The following GABRB2 variants were observed in gnomAD, a reference collection of about 807,000 sequenced individuals.
GABRB2 encodes gamma-aminobutyric acid receptor subunit beta-2.
In GABRB2, 16 loss-of-function variants were observed where a neutral mutation model predicts 54.7. The observed-to-expected ratio is 0.29, with a 90% CI of 0.20 to 0.44. The LOEUF (loss-of-function observed/expected upper bound fraction) is 0.44. Among genes scored for constraint, GABRB2 ranks in the 20% least tolerant of loss-of-function variants. GABRB2 has a pLI of 1.00. For synonymous variants in GABRB2, 244 were observed against 233.8 expected (o/e 1.04, Z -0.40); for missense variants, 355 against 644.0 (o/e 0.55, Z 4.86).
intron 4 of GABRB2, among the ~76,000 whole-genome samples, chr5:161,435,229 T>A (rs977574655): frequency 6.6e-6 from 1 of 152,136 alleles, no homozygotes; most frequent in African/African-American, 2.4e-5. Context: ...AACATTAAAA[T>A]AGTAAAAAGT....
intron 5 of GABRB2, among the ~76,000 whole-genome samples, chr5:161,404,715 C>T (rs1479199476): frequency 6.6e-6 from 1 of 152,114 alleles, no homozygotes; most frequent in Non-Finnish European, 1.5e-5. Context: ...AACACATACG[C>T]TGTTCTACTT....
At chr5:161,327,340 AC>A (rs1397840547) in intron 8 of GABRB2, among the ~76,000 whole-genome samples, 2 of 152,196 alleles carry the variant, frequency 1.3e-5, no homozygotes. Flanking sequence ...ACATAAACTA[AC>A]ATGGAATTAG....
At chr5:161,299,958 T>C (rs1757489343) in intron 9 of GABRB2, among the ~76,000 whole-genome samples, 1 of 152,160 alleles carries the variant, frequency 6.6e-6, no homozygotes, top group South Asian at 2.1e-4. Flanking sequence ...CAGTGTTGGG[T>C]TTCAATATTT....
intron 3 of GABRB2, among the ~76,000 whole-genome samples, chr5:161,530,351 G>A (rs1373506313): frequency 6.6e-6 from 1 of 152,050 alleles, no homozygotes; most frequent in Non-Finnish European, 1.5e-5. Flanking sequence ...TGGACTACCT[G>A]GTGATAATTA....
intron 4 of GABRB2, among the ~76,000 whole-genome samples, chr5:161,456,334 A>C (rs1480241653): frequency 1.3e-5 from 2 of 152,248 alleles, no homozygotes; most frequent in Admixed American, 1.3e-4. Context: ...TGTGAACCAC[A>C]GGACCTAATA....
intron 9 of GABRB2, among the ~76,000 whole-genome samples, chr5:161,322,327 C>T (rs946680642): frequency 4.6e-5 from 7 of 152,116 alleles, no homozygotes; most frequent in African/African-American, 1.2e-4. Context: ...CCTCCACCTT[C>T]GAGGCTCAAA....
chr5:161,348,118 A>G (rs538420987), intron 5 of GABRB2, among the ~76,000 whole-genome samples: 64 of 152,220 alleles, frequency 4.2e-4, no homozygotes, highest in Admixed American at 2.8e-3. Context: ...CTAAAACAGC[A>G]ATTCTCAAAT....
chr5:161,344,110 A>G (rs1754249134), intron 5 of GABRB2, among the ~76,000 whole-genome samples: 1 of 152,088 alleles, frequency 6.6e-6, no homozygotes. Context: ...GGCAAGGAAA[A>G]TCTTGTATCT....
At chr5:161,353,434 T>C (rs1405399075) in intron 5 of GABRB2, among the ~76,000 whole-genome samples, 1 of 152,070 alleles carries the variant, frequency 6.6e-6, no homozygotes, top group Non-Finnish European at 1.5e-5. Flanking sequence ...CCACATTGGT[T>C]ATTGACAGAT....
intron 4 of GABRB2, among the ~76,000 whole-genome samples, chr5:161,458,503 A>G (rs945981744): frequency 1.3e-5 from 2 of 152,230 alleles, no homozygotes; most frequent in Non-Finnish European, 2.9e-5. Flanking sequence ...TAAGGATCTA[A>G]GATAAAGTAT....
chr5:161,395,250 T>A (rs1755958969), intron 5 of GABRB2, among the ~76,000 whole-genome samples: 2 of 152,056 alleles, frequency 1.3e-5, no homozygotes, highest in Non-Finnish European at 2.9e-5. Context: ...CAAAACACAA[T>A]AGTCCCATTT....
chr5:161,398,377 C>T (rs975627516), intron 5 of GABRB2, among the ~76,000 whole-genome samples: 2 of 152,166 alleles, frequency 1.3e-5, no homozygotes, highest in African/African-American at 4.8e-5. Flanking sequence ...AGTCAAAGCA[C>T]TTAGCTGCAA....
chr5:161,330,234 C>T (rs1753791943), intron 8 of GABRB2: 1 of 152,164 alleles, frequency 6.6e-6, no homozygotes, highest in Non-Finnish European at 1.5e-5. Context: ...ATGGTGGCCT[C>T]ATATAGTCAA....
chr5:161,471,785 C>T (rs954479479), intron 3 of GABRB2, among the ~76,000 whole-genome samples: 18 of 151,910 alleles, frequency 1.2e-4, no homozygotes, highest in African/African-American at 3.9e-4. Flanking sequence ...TAAAAGTGTA[C>T]TTTGTGTATA....
chr5:161,419,669 G>C (rs914712648), intron 4 of GABRB2, among the ~76,000 whole-genome samples: 2 of 152,176 alleles, frequency 1.3e-5, no homozygotes, highest in African/African-American at 4.8e-5. Flanking sequence ...AACACAGATG[G>C]GGCTGAAGGC....
intron 4 of GABRB2, among the ~76,000 whole-genome samples, chr5:161,419,025 G>A (rs1756768129): frequency 6.6e-6 from 1 of 152,158 alleles, no homozygotes. Flanking sequence ...TACTCGGAAG[G>A]CTGAGATGGG....
chr5:161,440,452 C>T (rs1031430121), intron 4 of GABRB2, among the ~76,000 whole-genome samples: 70 of 152,070 alleles, frequency 4.6e-4, no homozygotes, highest in Middle Eastern at 3.4e-3. Context: ...TACTTATACC[C>T]GACAAAATAT....
intron 3 of GABRB2, among the ~76,000 whole-genome samples, chr5:161,464,100 A>G (rs781400383): frequency 2.6e-5 from 4 of 152,054 alleles, no homozygotes; most frequent in Admixed American, 6.6e-5. Flanking sequence ...GATAAATTGG[A>G]CCTCAACAGA....
At chr5:161,335,770 GAA>G (rs1753973019) in intron 6 of GABRB2, among the ~76,000 whole-genome samples, 1 of 152,076 alleles carries the variant, frequency 6.6e-6, no homozygotes, top group Non-Finnish European at 1.5e-5. Flanking sequence ...TCAAACTTAG[GAA>G]AAGTTTCTGT....
Sources: gnomAD v4.1 joint callset for allele counts (sites outside exome capture counted in the v4.1 genomes callset) on GRCh38, gnomAD v4.1.1 for gene constraint, MANE v1.5 for transcripts, NCBI Gene and HGNC (gene_info 2026-07-23, HGNC 2026-07-21) for gene names.